The following PRRC2B variants were observed in gnomAD, a reference collection of about 807,000 sequenced individuals.
PRRC2B encodes protein PRRC2B.
A neutral mutation model predicts 242.3 loss-of-function variants in PRRC2B; 68 were observed. That is an observed-to-expected ratio of 0.28 (90% CI 0.23 to 0.34). The LOEUF (loss-of-function observed/expected upper bound fraction) is 0.34, where lower values mean the gene tolerates loss of function less well. PRRC2B is among the 10% of genes least tolerant of loss of function. The probability of loss-of-function intolerance (pLI) is 1.00; values close to 1 mark genes in which losing one functional copy is unlikely to be tolerated. For missense variants in PRRC2B, 2,835 were observed against 2,954.8 expected (o/e 0.96, Z 0.94); for synonymous variants, 1,228 against 1,173.6 (o/e 1.05, Z -0.95).
intron 10 of PRRC2B, among the ~76,000 whole-genome samples, chr9:131,456,687 T>C (rs1200563181): frequency 6.6e-6 from 1 of 151,624 alleles, no homozygotes; most frequent in Non-Finnish European, 1.5e-5. Flanking sequence ...GCACCTGTAG[T>C]CCTAGCTACT....
At chr9:131,474,229 A>G (rs572451112) in intron 15 of PRRC2B, among the ~76,000 whole-genome samples, 2 of 152,134 alleles carry the variant, frequency 1.3e-5, no homozygotes, top group Admixed American at 6.5e-5. Context: ...CCACCGACCA[A>G]TTCATGGCCT....
chr9:131,461,407 C>T (rs1943237958), intron 11 of PRRC2B, among the ~76,000 whole-genome samples: 1 of 152,150 alleles, frequency 6.6e-6, no homozygotes, highest in African/African-American at 2.4e-5. Context: ...CTCCCTGGCA[C>T]CAGGCTCCTG....
At chr9:131,405,730 T>C (rs1361825999) in intron 1 of PRRC2B, among the ~76,000 whole-genome samples, 1 of 152,092 alleles carries the variant, frequency 6.6e-6, no homozygotes, top group African/African-American at 2.4e-5. Flanking sequence ...GGGGGGGTTA[T>C]TGTTAGCTGG....
chr9:131,427,218 TGC>T (rs1191719865), intron 1 of PRRC2B, among the ~76,000 whole-genome samples: 2 of 152,240 alleles, frequency 1.3e-5, no homozygotes, highest in Non-Finnish European at 2.9e-5. Flanking sequence ...TTTGCGCACT[TGC>T]GTGTTTGACA....
intron 1 of PRRC2B, among the ~76,000 whole-genome samples, chr9:131,377,774 T>G (rs2483483): frequency 0.3 from 45,446 of 152,090 alleles, 6,949 homozygotes; most frequent in African/African-American, 0.34. Context: ...GTTTTGTTTT[T>G]AGACAAGGTC....
At chr9:131,495,563 C>T (rs1944310993) in intron 31 of PRRC2B, among the ~76,000 whole-genome samples, 177 bp from the exon 32 acceptor site, 1 of 151,996 alleles carries the variant, frequency 6.6e-6, no homozygotes, top group Non-Finnish European at 1.5e-5. Context: ...AGACGGCACT[C>T]GCGCCACTTT....
chr9:131,482,611 C>T lies in PRRC2B; in HGVS notation c.5175+49C>T. The T allele has an allele frequency of 6.5e-7, 1 of 1,538,694 alleles. No individual in the cohort carries two copies. The highest frequency in any genetic ancestry group is 1.2e-5 in the South Asian group (1 of 81,240). On this transcript the variant is annotated intron_variant, in intron 21 of 31. Transcript: ENST00000683519. The surrounding 1 kb of genome is among the most constrained non-coding windows in gnomAD (Gnocchi z 5.2). Reference sequence around the variant, plus strand: ...GTGGCCAGGGCCTGGGTGGAAGGGGCCATCGTCTCATCATCTTCCTCAATT... The same window carrying T: ...GTGGCCAGGGCCTGGGTGGAAGGGGTCATCGTCTCATCATCTTCCTCAATT...
At position 131,404,502 on chromosome 9, in the gene PRRC2B, G is replaced by A. The variant is rs184959130; in HGVS notation, c.-52+10239G>A. On this transcript the variant is annotated intron_variant, in intron 1 of 31. Transcript: ENST00000683519. ...CTCCCAAAGTGCTGGGATTACAGGC[G>A]TGAGCCACTGCACCCGGCCCCCAGT... is the stretch of plus-strand genomic sequence containing the variant. 1.3e-3 allele frequency among the ~76,000 whole-genome samples: 191 copies of A among 152,110 alleles called. 2 individuals carry two copies. The highest frequency in any genetic ancestry group is 3.8e-3 in the African/African-American group (159 of 41,496).
At chr9:131,473,826 A>C in intron 15 of PRRC2B, 102 bp downstream of exon 15, 1 of 823,834 alleles carries the variant, frequency 1.2e-6, no homozygotes, top group Non-Finnish European at 1.9e-6. Flanking sequence ...GACACTGCCC[A>C]CGGGAGACGT....
intron 11 of PRRC2B, 98 bp downstream of exon 11, chr9:131,459,454 T>TA (rs765831908): frequency 9.8e-7 from 1 of 1,016,042 alleles, no homozygotes. Flanking sequence ...TTTTCATTTT[T>TA]ATATTTCTTC....
intron 14 of PRRC2B, 82 bp from the exon 15 acceptor site, chr9:131,473,426 T>G: frequency 2.1e-6 from 2 of 946,416 alleles, no homozygotes; most frequent in East Asian, 3.0e-5. Context: ...AACTGTTAAC[T>G]TCTTTGGGCC....
intron 31 of PRRC2B, 85 bp from the exon 32 acceptor site, chr9:131,495,655 A>C: frequency 6.8e-7 from 1 of 1,462,978 alleles, no homozygotes. Flanking sequence ...GCAACTCAGG[A>C]GCAGGAAGGG....
At chr9:131,423,279 C>T (rs2994042) in intron 1 of PRRC2B, among the ~76,000 whole-genome samples, 3 of 152,078 alleles carry the variant, frequency 2.0e-5, no homozygotes, top group African/African-American at 7.3e-5. Context: ...GCCTCAGACC[C>T]GCTGGAGAGC....
intron 1 of PRRC2B, among the ~76,000 whole-genome samples, chr9:131,428,229 TG>T (rs1379660818): frequency 6.6e-6 from 1 of 151,834 alleles, no homozygotes; most frequent in African/African-American, 2.4e-5. Context: ...CTACAAGTTT[TG>T]TTTTTTAAGA....
At position 131,432,583 on chromosome 9, in the gene PRRC2B, G is replaced by C. The variant is rs547741130; in HGVS notation, c.116-34G>C. 3 of 1,588,288 alleles carry C rather than the reference G, an allele frequency of 1.9e-6. No individual in the cohort carries two copies. In the South Asian group the frequency reaches 3.4e-5, roughly 18 times the overall value. ...GCTTCTTTCCTTCTGTGACCTTTTTGCATGGTGTCTGTTCCATGTCCCTCT... is the reference window on the plus strand; with the variant it reads ...GCTTCTTTCCTTCTGTGACCTTTTTCCATGGTGTCTGTTCCATGTCCCTCT... On this transcript the variant is annotated intron_variant, in intron 2 of 31. Coordinates refer to ENST00000683519, the MANE Select transcript of PRRC2B (RefSeq NM_013318.4).
In PRRC2B at chr9:131,487,798, A is replaced by AC; in HGVS notation, c.5985-56dup. On this transcript the variant is annotated intron_variant, in intron 27 of 31. Coordinates refer to ENST00000683519, the MANE Select transcript of PRRC2B (RefSeq NM_013318.4). The surrounding 1 kb of genome is among the most constrained non-coding windows in gnomAD (Gnocchi z 5.3). ...TCTCCGGGGATCTCTGAAGGGTGGG[A>AC]CCAGATCCGCAGCTGGACTCATCCA... The AC allele has an allele frequency of 6.4e-7, 1 of 1,564,476 alleles. No homozygotes were observed. The highest frequency in any genetic ancestry group is 2.3e-5 in the East Asian group (1 of 44,138).
At position 131,465,009 on chromosome 9, in the gene PRRC2B, A is replaced by G; in HGVS notation, c.1651A>G (p.Lys551Glu). 1 of 1,613,948 alleles carries G rather than the reference A, an allele frequency of 6.2e-7. No individual in the cohort carries two copies. The highest frequency in any genetic ancestry group is 8.5e-7 in the Non-Finnish European group (1 of 1,179,880). Residue 551 changes from lysine (K) to glutamate (E), a missense_variant, in exon 12 of 32, where the codon AAG becomes GAG. Physicochemically the swap from Lys to Glu is moderately conservative, Grantham distance 56. Around this residue, in one of 7 missense-constraint regions of PRRC2B, gnomAD observed 1,536 missense variants for 1,483.1 expected, o/e 1.04. Coordinates refer to ENST00000683519, the MANE Select transcript of PRRC2B (RefSeq NM_013318.4). The stretch of plus-strand genomic sequence containing the variant: ...AGGTGAGGCCCGGAAGCAGGCAGAG[A>G]AGGAAGTGCCCTGGTCTCCAAGTGC... ...KAGEARKQAE[K>E]EVPWSPSAEK...
intron 1 of PRRC2B, among the ~76,000 whole-genome samples, chr9:131,416,833 G>A (rs938702481): frequency 6.6e-6 from 1 of 152,102 alleles, no homozygotes; most frequent in African/African-American, 2.4e-5. Flanking sequence ...ATGCTTAATT[G>A]TAACTAGGGT....
chr9:131,388,705 A>G (rs1206727465), intron 1 of PRRC2B, among the ~76,000 whole-genome samples: 1 of 148,894 alleles, frequency 6.7e-6, no homozygotes, highest in Non-Finnish European at 1.5e-5. Flanking sequence ...CACTATGCTC[A>G]GCTAATTTTT....
Sources: gnomAD v4.1 joint callset for allele counts (sites outside exome capture counted in the v4.1 genomes callset) on GRCh38, gnomAD v4.1.1 for gene constraint, gnomAD v4.1.1 regional missense constraint, Gnocchi (gnomAD v3.1) non-coding constraint, MANE v1.5 for transcripts, NCBI Gene and HGNC (gene_info 2026-07-23, HGNC 2026-07-21) for gene names.